The following DNM3 variants were observed in gnomAD, a reference collection of about 807,000 sequenced individuals.
DNM3 encodes the protein dynamin-3.
A neutral mutation model predicts 101.6 loss-of-function variants in DNM3; 47 were observed. That is an observed-to-expected ratio of 0.46 (90% CI 0.37 to 0.59). The LOEUF is 0.59. DNM3 is among the 20% of genes least tolerant of loss of function. The pLI, the probability that DNM3 is intolerant of heterozygous loss-of-function variation, is 0.00. For synonymous variants in DNM3, 385 were observed against 387.9 expected (o/e 0.99, Z 0.09); for missense variants, 849 against 1,085.7 (o/e 0.78, Z 3.06).
intron 14 of DNM3, among the ~76,000 whole-genome samples, chr1:172,172,371 C>T (rs642312): frequency 0.032 from 4,821 of 151,616 alleles, 259 homozygotes; most frequent in African/African-American, 0.11. Flanking sequence ...ATCTGATAAC[C>T]GAGACAGCTA....
At chr1:171,896,692 A>G (rs2037834001) in intron 1 of DNM3, among the ~76,000 whole-genome samples, 1 of 152,202 alleles carries the variant, frequency 6.6e-6, no homozygotes, top group African/African-American at 2.4e-5. Flanking sequence ...TTACATAGTT[A>G]TATTTTTATT....
At chr1:172,324,933 G>A (rs1440399539) in intron 17 of DNM3, among the ~76,000 whole-genome samples, 2 of 152,102 alleles carry the variant, frequency 1.3e-5, no homozygotes, top group African/African-American at 4.8e-5. Context: ...CTGACATTTT[G>A]GGGGAGGTGC....
chr1:171,987,047 A>T (rs1325666339), intron 2 of DNM3, among the ~76,000 whole-genome samples: 2 of 152,104 alleles, frequency 1.3e-5, no homozygotes, highest in African/African-American at 4.8e-5. Context: ...GGATTTTTTT[A>T]AAATTTTACA....
chr1:172,411,429 A>G lies in DNM3; in HGVS notation c.*3588A>G. The G allele has an allele frequency of 2.0e-6, 2 of 984,930 alleles. No individual in the cohort carries two copies. Among genetic ancestry groups the G allele is most frequent in the Non-Finnish European group, 2.4e-6 (2 of 829,604 alleles). 61.0% of individuals were successfully genotyped at this position (984,930 alleles called of 1,614,324 possible). The stretch of plus-strand genomic sequence containing the variant: ...TCGGTAAGAAGTAAAACCTCTGGAG[A>G]CCTATCTTTAAGATCTCTAATTGGA... On this transcript the variant is annotated 3_prime_UTR_variant, in exon 21 of 21. Transcript: ENST00000627582.
chr1:171,843,569 C>A (rs2124947361), intron 1 of DNM3, among the ~76,000 whole-genome samples: 1 of 152,192 alleles, frequency 6.6e-6, no homozygotes, highest in Non-Finnish European at 1.5e-5. Flanking sequence ...AATGAAATTA[C>A]CATATTTTTA....
intron 17 of DNM3, among the ~76,000 whole-genome samples, chr1:172,367,553 G>A (rs2068086455): frequency 6.6e-6 from 1 of 151,710 alleles, no homozygotes; most frequent in Admixed American, 6.6e-5. Flanking sequence ...AAAACAATGA[G>A]AAGACAAAAA....
At chr1:172,334,695 T>A (rs771942168) in intron 17 of DNM3, among the ~76,000 whole-genome samples, 2 of 151,942 alleles carry the variant, frequency 1.3e-5, no homozygotes, top group Non-Finnish European at 2.9e-5. Flanking sequence ...CTGCTTCATA[T>A]GAAAAATATA....
rs569305248 is a variant in DNM3 at position 172,149,336 on chromosome 1, A to G, written c.1659+18048A>G. ...GCAGCCATTTTTATATTTCAGTAGC[A>G]TAATACATCCAGCAGACAAACCTTA... is the stretch of plus-strand genomic sequence containing the variant. On this transcript the variant is annotated intron_variant, in intron 14 of 20. Coordinates refer to ENST00000627582, the MANE Select transcript of DNM3 (RefSeq NM_015569.5). 3.9e-5 allele frequency among the ~76,000 whole-genome samples: 6 copies of G among 152,308 alleles called. No homozygotes were observed. The East Asian group carries it at 7.7e-4, about 20-fold the overall frequency.
chr1:172,274,375 A>C (rs1157172368), intron 15 of DNM3, among the ~76,000 whole-genome samples: 1 of 152,052 alleles, frequency 6.6e-6, no homozygotes, highest in Non-Finnish European at 1.5e-5. Flanking sequence ...TGTGGAAATG[A>C]AGAAGTGACT....
chr1:172,414,361 T>C (rs537426976), downstream of DNM3, among the ~76,000 whole-genome samples: 5 of 152,368 alleles, frequency 3.3e-5, no homozygotes, highest in South Asian at 1.0e-3. Flanking sequence ...AAGTTTTACA[T>C]ACACATACAC....
chr1:172,210,508 A>T (rs186119525), intron 14 of DNM3, among the ~76,000 whole-genome samples: 125 of 152,082 alleles, frequency 8.2e-4, no homozygotes, highest in Admixed American at 3.6e-3. Context: ...TGGATTGGGG[A>T]TCAGAAGGAA....
At chr1:172,298,697 G>A (rs532170161) in intron 15 of DNM3, among the ~76,000 whole-genome samples, 36 of 152,062 alleles carry the variant, frequency 2.4e-4, no homozygotes, top group Non-Finnish European at 4.3e-4. Context: ...TCATCTTCCC[G>A]GAATCCCCAG....
chr1:172,099,333 G>C (rs1413736879), intron 13 of DNM3, among the ~76,000 whole-genome samples: 1 of 152,126 alleles, frequency 6.6e-6, no homozygotes. Flanking sequence ...GTAACAGACT[G>C]GGCTTTGGAA....
At chr1:172,142,134 A>G (rs1003627232) in intron 14 of DNM3, 1 of 152,132 alleles carries the variant, frequency 6.6e-6, no homozygotes. Flanking sequence ...TTTAATACTT[A>G]CACTTATTAC....
chr1:172,266,851 C>T (rs994937161), intron 15 of DNM3, among the ~76,000 whole-genome samples: 5 of 152,114 alleles, frequency 3.3e-5, no homozygotes, highest in African/African-American at 9.6e-5. Flanking sequence ...CTCAATTGAC[C>T]TAGAGTTCAT....
intron 13 of DNM3, among the ~76,000 whole-genome samples, chr1:172,123,942 T>A (rs1326699103): frequency 6.6e-6 from 1 of 152,156 alleles, no homozygotes; most frequent in Non-Finnish European, 1.5e-5. Flanking sequence ...ATGGCTCCTA[T>A]GGGCATCCTC....
intron 14 of DNM3, among the ~76,000 whole-genome samples, chr1:172,191,080 A>G (rs1330120284): frequency 6.6e-6 from 1 of 152,064 alleles, no homozygotes; most frequent in Non-Finnish European, 1.5e-5. Flanking sequence ...TTTAGTCATG[A>G]AGTCCTTGCC....
intron 15 of DNM3, among the ~76,000 whole-genome samples, chr1:172,308,066 AGGCTGTGG>A (rs2064919465): frequency 6.6e-6 from 1 of 152,164 alleles, no homozygotes; most frequent in Non-Finnish European, 1.5e-5. Flanking sequence ...GGTTATCTCT[AGGCTGTGG>A]AAACTGGATG....
chr1:172,379,604 G>A (rs1159244542), intron 18 of DNM3, among the ~76,000 whole-genome samples: 2 of 151,974 alleles, frequency 1.3e-5, no homozygotes, highest in Non-Finnish European at 2.9e-5. Flanking sequence ...TATAAAATAT[G>A]TTAATATGAT....
Sources: allele counts gnomAD v4.1 joint callset (sites outside exome capture counted in the v4.1 genomes callset), GRCh38; gene constraint gnomAD v4.1.1; transcripts MANE v1.5; gene names NCBI Gene and HGNC (gene_info 2026-07-23, HGNC 2026-07-21).